Variants in CFAP57 observed in about 807,000 individuals in gnomAD.
CFAP57 encodes the protein cilia and flagella associated protein 57.
A neutral mutation model predicts 146.8 loss-of-function variants in CFAP57; 116 were observed. The observed-to-expected ratio is 0.79, with a 90% confidence interval of 0.68 to 0.92. The LOEUF (loss-of-function observed/expected upper bound fraction) is 0.92. Among genes scored for constraint, CFAP57 ranks in the 40% least tolerant of loss-of-function variants. The probability of loss-of-function intolerance (pLI) is 0.00; values close to 1 mark genes in which losing one functional copy is unlikely to be tolerated. For synonymous variants in CFAP57, 518 were observed against 552.8 expected (o/e 0.94, Z 0.88); for missense variants, 1,377 against 1,527.2 (o/e 0.90, Z 1.64).
chr1:43,234,461 T>C (rs1645605672), intron 20 of CFAP57, 34 bp from the exon 21 acceptor site: 1 of 1,542,408 alleles, frequency 6.5e-7, no homozygotes, highest in Admixed American at 2.0e-5. Context: ...CGGGGTCTCC[T>C]CTCCCTCACT....
Position 43,227,121 on chromosome 1 carries a change from C to A in CFAP57, c.3004C>A (p.Gln1002Lys). 1 of 1,531,644 alleles carries A rather than the reference C, an allele frequency of 6.5e-7. No individual in the cohort carries two copies. 94.9% of individuals were successfully genotyped at this position (1,531,644 alleles called of 1,614,324 possible). A position where few individuals can be genotyped will look rare whatever the true frequency, so the allele number is the denominator to read the frequency against. Residue 1002 changes from glutamine (Q) to lysine (K), a missense_variant, in exon 18 of 23, where the codon CAG (glutamine) becomes AAG (lysine). Physicochemically the swap from Gln to Lys is moderately conservative, Grantham distance 53 (BLOSUM62 1). Coordinates refer to ENST00000372492, the MANE Select transcript of CFAP57 (RefSeq NM_001378189.1). ...NEIRVMKEQIQEMEAELENFH... is the reference protein window; with the variant it reads ...NEIRVMKEQIKEMEAELENFH... ...GATCAGGGTGATGAAGGAACAGATT[C>A]AGGAGGTAAGAAGCCATTTGCAACA...
At chr1:43,172,516 G>T (rs544849520) in intron 1 of CFAP57, 63 bp downstream of exon 1, 1 of 1,450,218 alleles carries the variant, frequency 6.9e-7, no homozygotes, top group African/African-American at 1.4e-5. Context: ...CAAAGGAAAA[G>T]GCAGAAAAAG....
intron 4 of CFAP57, among the ~76,000 whole-genome samples, 196 bp downstream of exon 4, chr1:43,184,073 C>A (rs183801372): frequency 1.3e-5 from 2 of 152,138 alleles, no homozygotes; most frequent in African/African-American, 2.4e-5. Flanking sequence ...AAATACAATT[C>A]TTTTTATTTT....
At chr1:43,181,986 T>A in intron 3 of CFAP57, 136 bp downstream of exon 3, 1 of 999,844 alleles carries the variant, frequency 1.0e-6, no homozygotes, top group Non-Finnish European at 1.5e-6. Flanking sequence ...GTATAAGGTA[T>A]GCACAATCAT....
rs558310568 is a variant in CFAP57 at position 43,244,796 on chromosome 1, G to A, written c.3538+1437G>A. On this transcript the variant is annotated intron_variant, in intron 22 of 22. Transcript: ENST00000372492. ...CGCGGGCCTGTAGTCCCAGCTACTCGGGAGGCTGAGGCAGGAGAATCACTT... is the reference window on the plus strand; with the variant it reads ...CGCGGGCCTGTAGTCCCAGCTACTCAGGAGGCTGAGGCAGGAGAATCACTT... 1.2e-4 allele frequency among the ~76,000 whole-genome samples: 19 copies of A among 152,160 alleles called. No homozygotes were observed. In the South Asian group the frequency reaches 2.5e-3, roughly 20 times the overall value.
At chr1:43,241,081 G>C (rs1645896861) in intron 21 of CFAP57, among the ~76,000 whole-genome samples, 1 of 152,204 alleles carries the variant, frequency 6.6e-6, no homozygotes, top group Non-Finnish European at 1.5e-5. Flanking sequence ...TGATCCACCT[G>C]CCTCGGCCTC....
chr1:43,179,036 C>CA (rs1185490398), intron 2 of CFAP57, among the ~76,000 whole-genome samples: 5 of 151,448 alleles, frequency 3.3e-5, no homozygotes, highest in African/African-American at 4.9e-5. Context: ...GTCGCAAGGA[C>CA]AAAAAACCAA....
At chr1:43,212,332 GTTC>G (rs1644651359) in intron 11 of CFAP57, among the ~76,000 whole-genome samples, 1 of 152,074 alleles carries the variant, frequency 6.6e-6, no homozygotes, top group South Asian at 2.1e-4. Flanking sequence ...CCACTAATTT[GTTC>G]TTATTTCCAT....
At chr1:43,185,399 T>A (rs1642987399) in intron 5 of CFAP57, 43 bp downstream of exon 5, 1 of 1,575,776 alleles carries the variant, frequency 6.3e-7, no homozygotes, top group Admixed American at 1.7e-5. Context: ...GGGGTCCTAT[T>A]GGCATTTGTT....
intron 2 of CFAP57, among the ~76,000 whole-genome samples, 195 bp downstream of exon 2, chr1:43,173,105 C>A: frequency 6.6e-6 from 1 of 152,192 alleles, no homozygotes; most frequent in East Asian, 1.9e-4. Flanking sequence ...GTTAAAATCA[C>A]ATATAAAATG....
At chr1:43,220,072 GATTA>G (rs774974190) in intron 13 of CFAP57, among the ~76,000 whole-genome samples, 4 of 152,158 alleles carry the variant, frequency 2.6e-5, no homozygotes, top group Admixed American at 1.3e-4. Context: ...GGTATTAACA[GATTA>G]ATTAATCTGA....
chr1:43,181,620 C>T lies in CFAP57; in HGVS notation c.244C>T (p.Pro82Ser), dbSNP rs779717163. The change falls in exon 3 of 23, where the codon CCT becomes TCT. Residue 82 changes from proline (P) to serine (S), a missense_variant. Physicochemically the swap from Pro to Ser is moderately conservative, Grantham distance 74. Transcript: ENST00000372492. ...LAISETVQEK[P>S]AITIYELSSI... ...TATCTCTGAGACTGTGCAAGAAAAA[C>T]CTGCCATCACCATTTATGAATTGTC... 3.1e-5 allele frequency: 50 copies of T among 1,614,098 alleles called. No individual in the cohort carries two copies. The highest frequency in any genetic ancestry group is 4.2e-5 in the Non-Finnish European group (49 of 1,180,046).
chr1:43,243,136 A>G (rs560080235), intron 21 of CFAP57, 91 bp from the exon 22 acceptor site: 72 of 1,420,710 alleles, frequency 5.1e-5, no homozygotes, highest in African/African-American at 7.2e-5. Flanking sequence ...AACCCTGCCC[A>G]TTCCCCATAC....
At chr1:43,226,870 T>C (rs1414650016) in intron 17 of CFAP57, 113 bp from the exon 18 acceptor site, 1 of 1,245,266 alleles carries the variant, frequency 8.0e-7, no homozygotes, top group Admixed American at 3.1e-5. Context: ...AGGAGTCTCC[T>C]GGTTGACCTC....
chr1:43,181,970 A>G, intron 3 of CFAP57, 120 bp downstream of exon 3: 3 of 1,154,196 alleles, frequency 2.6e-6, no homozygotes, highest in Non-Finnish European at 3.8e-6. Context: ...TATTCTTACA[A>G]CAACCGTATA....
intron 10 of CFAP57, 140 bp from the exon 11 acceptor site, chr1:43,209,603 T>A: frequency 1.3e-6 from 1 of 795,930 alleles, no homozygotes; most frequent in Non-Finnish European, 2.1e-6. Context: ...CTATACCGGA[T>A]GCCAAAAGGG....
chr1:43,174,055 T>A (rs1287566627), intron 2 of CFAP57, among the ~76,000 whole-genome samples: 1 of 152,266 alleles, frequency 6.6e-6, no homozygotes, highest in African/African-American at 2.4e-5. Flanking sequence ...AGTCGTATGT[T>A]AAATGCCTTG....
intron 10 of CFAP57, among the ~76,000 whole-genome samples, chr1:43,208,121 A>G (rs983600169): frequency 1.3e-5 from 2 of 152,228 alleles, no homozygotes; most frequent in African/African-American, 4.8e-5. Context: ...CACCAGTTAG[A>G]ATGGCAATCA....
intron 6 of CFAP57, among the ~76,000 whole-genome samples, chr1:43,190,385 C>T (rs1201538582): frequency 6.6e-6 from 1 of 150,660 alleles, no homozygotes; most frequent in Non-Finnish European, 1.5e-5. Flanking sequence ...ATTCTCCTGC[C>T]TCAGACTCCC....
Sources: allele counts gnomAD v4.1 joint callset (sites outside exome capture counted in the v4.1 genomes callset), GRCh38; gene constraint gnomAD v4.1.1; transcripts MANE v1.5; gene names NCBI Gene and HGNC (gene_info 2026-07-23, HGNC 2026-07-21).